INVS: variants seen among roughly 807,000 people sequenced by gnomAD.
The protein encoded by INVS is inversion of embryo turning homolog.
A neutral mutation model predicts 108.8 loss-of-function variants in INVS; 86 were observed. The observed-to-expected ratio is 0.79, with a 90% confidence interval of 0.66 to 0.95. The LOEUF (loss-of-function observed/expected upper bound fraction) is 0.95, where lower values mean the gene tolerates loss of function less well. Among genes scored for constraint, INVS ranks in the 40% least tolerant of loss-of-function variants. The pLI is 0.00. For missense variants in INVS, 1,169 were observed against 1,297.4 expected (o/e 0.90, Z 1.52); for synonymous variants, 455 against 473.5 (o/e 0.96, Z 0.51).
In INVS at chr9:100,300,599, G is replaced by A. The variant is rs1213098576; in HGVS notation, c.3123G>A (p.Glu1041=). ...ACCTACAGTGTATACATCTCCTTGA[G>A]AACAGTGGAAGATCAAAGAACTTTT... is the stretch of plus-strand genomic sequence containing the variant. ...VSNLQCIHLL[E]NSGRSKNFSY... is the part of the protein sequence containing the mutation. Residue 1041 remains glutamate, a synonymous_variant, in exon 17 of 17, where the codon GAG becomes GAA. Transcript: ENST00000262457. The A allele has an allele frequency of 6.2e-7, 1 of 1,613,574 alleles. No homozygotes were observed. The highest frequency in any genetic ancestry group is 2.2e-5 in the East Asian group (1 of 44,880).
At chr9:100,182,915 C>T (rs1829939514) in intron 3 of INVS, among the ~76,000 whole-genome samples, 1 of 152,132 alleles carries the variant, frequency 6.6e-6, no homozygotes, top group Non-Finnish European at 1.5e-5. Flanking sequence ...GAAAATGTGG[C>T]ACATATACAC....
chr9:100,203,180 G>C (rs1830581191), intron 3 of INVS, among the ~76,000 whole-genome samples: 1 of 152,074 alleles, frequency 6.6e-6, no homozygotes, highest in Non-Finnish European at 1.5e-5. Flanking sequence ...AGTTACTTTT[G>C]ATAAAGTAGC....
intron 3 of INVS, among the ~76,000 whole-genome samples, chr9:100,135,356 C>A (rs1052287526): frequency 6.6e-6 from 1 of 152,104 alleles, no homozygotes; most frequent in African/African-American, 2.4e-5. Context: ...CTTAGATGAA[C>A]ATGCAGCAGA....
intron 12 of INVS, among the ~76,000 whole-genome samples, chr9:100,278,231 C>CCA (rs1393055076): frequency 1.2e-5 from 1 of 83,132 alleles, no homozygotes; most frequent in Non-Finnish European, 2.2e-5. Flanking sequence ...GACCCTGTCT[C>CCA]AAAAAAAAAA....
intron 3 of INVS, among the ~76,000 whole-genome samples, chr9:100,225,376 T>C (rs187542030): frequency 6.6e-6 from 1 of 152,290 alleles, no homozygotes; most frequent in Admixed American, 6.5e-5. Flanking sequence ...ATAAGCTGCC[T>C]CTACCTTAGT....
In INVS at chr9:100,122,576, C is replaced by CTTTTTTT. The variant is rs1161036698; in HGVS notation, c.107-3788_107-3782dup. On this transcript the variant is annotated intron_variant, in intron 2 of 16. Coordinates refer to ENST00000262457, the MANE Select transcript of INVS (RefSeq NM_014425.5). ...ATGTTATTGTATTTTAAGTGAGTTT[C>CTTTTTTT]TTTTTTTTTTTTTTTTTTTTTTTTT... 1.5e-3 allele frequency among the ~76,000 whole-genome samples: 84 copies of CTTTTTTT among 57,524 alleles called. 8 individuals are homozygous for CTTTTTTT. Among genetic ancestry groups the CTTTTTTT allele is most frequent in the Middle Eastern group, 0.026 (1 of 38 alleles). 37.7% of individuals were successfully genotyped at this position (57,524 alleles called of 152,430 possible). A position where few individuals can be genotyped will look rare whatever the true frequency, so the allele number is the denominator to read the frequency against.
intron 14 of INVS, 38 bp from the exon 15 acceptor site, chr9:100,296,879 G>A (rs1245579484): frequency 6.6e-7 from 1 of 1,523,116 alleles, no homozygotes; most frequent in Non-Finnish European, 9.1e-7. Context: ...TCTCAGTACT[G>A]TGATCTTAAA....
At chr9:100,252,047 A>C (rs970050641) in intron 8 of INVS, among the ~76,000 whole-genome samples, 2 of 152,218 alleles carry the variant, frequency 1.3e-5, no homozygotes, top group Non-Finnish European at 2.9e-5. Flanking sequence ...ACAGGATGGA[A>C]AGGAAGAAAA....
intron 3 of INVS, among the ~76,000 whole-genome samples, chr9:100,182,148 A>C (rs1829908300): frequency 6.6e-6 from 1 of 152,238 alleles, no homozygotes; most frequent in Non-Finnish European, 1.5e-5. Flanking sequence ...GTAAGACCTA[A>C]AACCATAAAA....
chr9:100,139,075 T>C (rs898709916), intron 3 of INVS, among the ~76,000 whole-genome samples: 2 of 152,224 alleles, frequency 1.3e-5, no homozygotes, highest in African/African-American at 4.8e-5. Context: ...GAGAGATTTC[T>C]TTTACAAACA....
intron 11 of INVS, among the ~76,000 whole-genome samples, chr9:100,271,903 C>T (rs1418982015): frequency 1.3e-5 from 2 of 151,122 alleles, no homozygotes; most frequent in East Asian, 3.9e-4. Context: ...GTGTCTCACT[C>T]TGTCACCCAG....
At chr9:100,295,067 T>C (rs1021829276) in intron 14 of INVS, among the ~76,000 whole-genome samples, 2 of 152,204 alleles carry the variant, frequency 1.3e-5, no homozygotes, top group African/African-American at 4.8e-5. Flanking sequence ...GGACATGCAC[T>C]GGCTACCATC....
At chr9:100,188,843 C>T (rs563904791) in intron 3 of INVS, among the ~76,000 whole-genome samples, 1 of 151,836 alleles carries the variant, frequency 6.6e-6, no homozygotes, top group South Asian at 2.1e-4. Flanking sequence ...TTGTTGTTGG[C>T]AATTTTTAAA....
intron 12 of INVS, among the ~76,000 whole-genome samples, chr9:100,280,605 A>G (rs1833245877): frequency 6.6e-6 from 1 of 151,934 alleles, no homozygotes; most frequent in Non-Finnish European, 1.5e-5. Context: ...ACTTTTTTTA[A>G]TTTTTCATAT....
chr9:100,276,064 A>G (rs1308877016), intron 12 of INVS, among the ~76,000 whole-genome samples: 3 of 152,130 alleles, frequency 2.0e-5, no homozygotes, highest in Non-Finnish European at 4.4e-5. Flanking sequence ...CATCTTTTAA[A>G]TTATTCCATC....
intron 2 of INVS, among the ~76,000 whole-genome samples, chr9:100,119,697 A>G (rs1474511565): frequency 1.3e-5 from 2 of 152,196 alleles, no homozygotes; most frequent in Non-Finnish European, 2.9e-5. Flanking sequence ...AGCTGGGACT[A>G]CAGGCGCCCG....
rs183250589 is a variant in INVS at position 100,168,904 on chromosome 9, G to A, written c.273+42355G>A. 5.3e-5 allele frequency among the ~76,000 whole-genome samples: 8 copies of A among 152,250 alleles called. No homozygotes were observed. In the East Asian group the frequency reaches 1.2e-3, roughly 22 times the overall value. ...TATAACGCTATACAAATCCAGGTTG[G>A]TTCTTTTGTCTTTGCTGATGCCAGA... On this transcript the variant is annotated intron_variant, in intron 3 of 16. Coordinates refer to ENST00000262457, the MANE Select transcript of INVS (RefSeq NM_014425.5).
intron 3 of INVS, chr9:100,176,160 A>C: frequency 2.5e-6 from 1 of 404,762 alleles, no homozygotes; most frequent in Non-Finnish European, 4.7e-6. Context: ...TGGAAGCTAC[A>C]TGTTCTGCCT....
intron 3 of INVS, among the ~76,000 whole-genome samples, chr9:100,189,118 T>TTTTTTTG (rs1475298218): frequency 1.3e-4 from 19 of 148,494 alleles, no homozygotes; most frequent in African/African-American, 4.5e-4. Context: ...TTTTTTTTTT[T>TTTTTTTG]TTTTTTTTTG....
Sources: gnomAD v4.1 joint callset for allele counts (sites outside exome capture counted in the v4.1 genomes callset) on GRCh38, gnomAD v4.1.1 for gene constraint, MANE v1.5 for transcripts, NCBI Gene and HGNC (gene_info 2026-07-23, HGNC 2026-07-21) for gene names.